The following KCNAB1 variants were observed in gnomAD, a reference collection of about 807,000 sequenced individuals.
The protein encoded by KCNAB1 is voltage-gated potassium channel subunit beta-1.
In KCNAB1, 35 loss-of-function variants were observed where a neutral mutation model predicts 64.6. The ratio of observed to expected loss-of-function variants is 0.54; its 90% CI spans 0.41 to 0.72. KCNAB1 has a LOEUF of 0.72. Among genes scored for constraint, KCNAB1 ranks in the 30% least tolerant of loss-of-function variants. The probability of loss-of-function intolerance (pLI) is 0.00; values close to 1 mark genes in which losing one functional copy is unlikely to be tolerated. For synonymous variants in KCNAB1, 177 were observed against 183.8 expected, an observed-to-expected ratio of 0.96 and a Z score of 0.30; for missense variants, 401 against 512.9, an observed-to-expected ratio of 0.78 and a Z score of 2.11.
chr3:156,316,649 C>T (rs12630004), intron 1 of KCNAB1, among the ~76,000 whole-genome samples: 57,633 of 152,082 alleles, frequency 0.38, 14,477 homozygotes, highest in African/African-American at 0.72. Flanking sequence ...AGCTCCCAAC[C>T]CTGAAGAGGG....
intron 1 of KCNAB1, among the ~76,000 whole-genome samples, chr3:156,301,881 G>A (rs1334263573): frequency 1.3e-5 from 2 of 152,184 alleles, no homozygotes; most frequent in East Asian, 3.8e-4. Flanking sequence ...AGGGGGTACA[G>A]CAAGTATCCT....
intron 1 of KCNAB1, among the ~76,000 whole-genome samples, chr3:156,421,010 T>C (rs1264174620): frequency 6.7e-6 from 1 of 149,314 alleles, no homozygotes; most frequent in Admixed American, 6.7e-5. Flanking sequence ...TTATAATATA[T>C]TAAATATAGG....
chr3:156,186,208 C>A (rs1346489960), intron 1 of KCNAB1, among the ~76,000 whole-genome samples: 1 of 152,190 alleles, frequency 6.6e-6, no homozygotes, highest in African/African-American at 2.4e-5. Context: ...TCTCTCTTTT[C>A]AAGTTCCCTT....
intron 8 of KCNAB1, among the ~76,000 whole-genome samples, chr3:156,481,176 AG>A (rs573825354): frequency 0.011 from 1,615 of 152,236 alleles, 15 homozygotes; most frequent in South Asian, 0.029. Flanking sequence ...CTAAATGAGC[AG>A]AAATGAATAA....
intron 11 of KCNAB1, among the ~76,000 whole-genome samples, chr3:156,522,918 C>A (rs73166601): frequency 2.0e-5 from 3 of 152,336 alleles, no homozygotes; most frequent in Middle Eastern, 3.4e-3. Context: ...CTAAAACAGA[C>A]TAACACTCTT....
Position 156,358,843 on chromosome 3 carries a change from T to C in KCNAB1, c.276-62773T>C, listed in dbSNP as rs568004654. ...GGTATTTAAAACATCTAGAAGCATG[T>C]CTGATGAATGGAAAGCTCTCAAGAA... On this transcript the variant is annotated intron_variant, in intron 1 of 13. Coordinates refer to ENST00000490337, the MANE Select transcript of KCNAB1 (RefSeq NM_172160.3). 5.9e-5 allele frequency among the ~76,000 whole-genome samples: 9 copies of C among 152,258 alleles called. No individual in the cohort carries two copies. In the East Asian group the frequency reaches 1.7e-3, roughly 29 times the overall value.
intron 1 of KCNAB1, among the ~76,000 whole-genome samples, chr3:156,146,417 T>A (rs562540421): frequency 1.3e-5 from 2 of 152,206 alleles, no homozygotes; most frequent in Non-Finnish European, 2.9e-5. Context: ...AACACGAGCC[T>A]GAGTCAAGGT....
At chr3:156,195,831 C>T (rs1247552296) in intron 1 of KCNAB1, among the ~76,000 whole-genome samples, 1 of 152,260 alleles carries the variant, frequency 6.6e-6, no homozygotes, top group East Asian at 1.9e-4. Context: ...GTGGTCACTG[C>T]TTTTGGTGTT....
chr3:156,214,062 AGT>A (rs958240234), intron 1 of KCNAB1, among the ~76,000 whole-genome samples: 3 of 152,124 alleles, frequency 2.0e-5, no homozygotes, highest in Non-Finnish European at 4.4e-5. Flanking sequence ...GCCAGAAGGT[AGT>A]GTGCCCCAAC....
intron 1 of KCNAB1, chr3:156,143,030 A>G (rs1420471998): frequency 5.9e-6 from 8 of 1,345,920 alleles, no homozygotes; most frequent in Non-Finnish European, 7.6e-6. Flanking sequence ...GCTCGCCTAC[A>G]AAAATGATAA....
chr3:156,391,280 T>C (rs1043429830), intron 1 of KCNAB1, among the ~76,000 whole-genome samples: 1 of 152,202 alleles, frequency 6.6e-6, no homozygotes. Flanking sequence ...TCCTCGTCTA[T>C]AAAATAAGGA....
At chr3:156,509,077 G>A (rs1010897413) in intron 8 of KCNAB1, among the ~76,000 whole-genome samples, 2 of 151,890 alleles carry the variant, frequency 1.3e-5, no homozygotes, top group African/African-American at 4.8e-5. Flanking sequence ...GGAGTGGGGC[G>A]GAGGGGAAAG....
intron 1 of KCNAB1, among the ~76,000 whole-genome samples, chr3:156,312,715 A>AAAAAAAAAAAC (rs1721999757): frequency 6.7e-6 from 1 of 150,346 alleles, no homozygotes; most frequent in East Asian, 1.9e-4. Context: ...AAAAAAAAAA[A>AAAAAAAAAAAC]AAAAAAAAAA....
chr3:156,330,160 A>G (rs542247331), intron 1 of KCNAB1, among the ~76,000 whole-genome samples: 3 of 152,274 alleles, frequency 2.0e-5, no homozygotes, highest in African/African-American at 7.2e-5. Flanking sequence ...GGGAGAAACA[A>G]TGAAAAGTGA....
At chr3:156,516,206 C>T in intron 10 of KCNAB1, 64 bp from the exon 11 acceptor site, 1 of 1,134,430 alleles carries the variant, frequency 8.8e-7, no homozygotes, top group African/African-American at 1.5e-5. Flanking sequence ...ACTACTGCCC[C>T]CACCGCCACC....
chr3:156,283,127 T>C (rs1381910913), intron 1 of KCNAB1, among the ~76,000 whole-genome samples: 15 of 151,086 alleles, frequency 9.9e-5, no homozygotes, highest in Admixed American at 2.0e-4. Flanking sequence ...CCATGTTTAG[T>C]GCTTCCTTCA....
chr3:156,300,590 A>T (rs545179991), intron 1 of KCNAB1, among the ~76,000 whole-genome samples: 13 of 152,332 alleles, frequency 8.5e-5, no homozygotes, highest in African/African-American at 3.1e-4. Context: ...TTTCGTCTGC[A>T]TGCCCTGGTC....
At chr3:156,166,161 A>G (rs1055515011) in intron 1 of KCNAB1, among the ~76,000 whole-genome samples, 2 of 152,252 alleles carry the variant, frequency 1.3e-5, no homozygotes, top group African/African-American at 4.8e-5. Flanking sequence ...GTAAGGAGAA[A>G]GACTAATGTC....
At chr3:156,515,274 AT>A in intron 10 of KCNAB1, 54 bp downstream of exon 10, 1 of 1,517,394 alleles carries the variant, frequency 6.6e-7, no homozygotes, top group East Asian at 2.3e-5. Context: ...AAGATCACTG[AT>A]TCGGGGAAAA....
Sources: gnomAD v4.1 joint callset for allele counts (sites outside exome capture counted in the v4.1 genomes callset) on GRCh38, gnomAD v4.1.1 for gene constraint, MANE v1.5 for transcripts, NCBI Gene and HGNC (gene_info 2026-07-23, HGNC 2026-07-21) for gene names.